Variants in SLC6A5 observed in about 807,000 individuals in gnomAD.
SLC6A5 encodes the protein sodium- and chloride-dependent glycine transporter 2.
SLC6A5 carries 58 observed loss-of-function variants against 90.5 expected under a neutral mutation model. The ratio of observed to expected loss-of-function variants is 0.64; its 90% CI spans 0.52 to 0.80. SLC6A5 has a LOEUF of 0.80. SLC6A5 is among the 30% of genes least tolerant of loss of function. The pLI is 0.00. For missense variants in SLC6A5, 1,015 were observed against 1,017.6 expected (o/e 1.00, Z 0.03); for synonymous variants, 427 against 401.4 (o/e 1.06, Z -0.76).
At chr11:20,640,019 A>G (rs1016349695) in intron 13 of SLC6A5, among the ~76,000 whole-genome samples, 2 of 152,196 alleles carry the variant, frequency 1.3e-5, no homozygotes, top group Non-Finnish European at 2.9e-5. Flanking sequence ...TTGAGCAGAG[A>G]GTGGTAGAAA....
chr11:20,627,629 C>G (rs564689575), intron 8 of SLC6A5, among the ~76,000 whole-genome samples: 2 of 152,222 alleles, frequency 1.3e-5, no homozygotes, highest in East Asian at 3.9e-4. Flanking sequence ...GATTTTGCAT[C>G]CGTTGTTATA....
chr11:20,648,600 A>G (rs1853467065), intron 14 of SLC6A5, among the ~76,000 whole-genome samples: 1 of 152,158 alleles, frequency 6.6e-6, no homozygotes. Context: ...GGAAGAGAAC[A>G]TCTGCGAACA....
intron 14 of SLC6A5, among the ~76,000 whole-genome samples, chr11:20,648,795 A>T (rs1209977215): frequency 6.6e-6 from 1 of 152,218 alleles, no homozygotes; most frequent in African/African-American, 2.4e-5. Context: ...CTGGAATAAC[A>T]TTTCACATAG....
Position 20,654,954 on chromosome 11 carries a change from T to C in SLC6A5, c.*86T>C. On this transcript the variant is annotated 3_prime_UTR_variant, in exon 16 of 16. Transcript: ENST00000525748. ...TTTTCCATAGCTCTCCTCCCATTTT[T>C]CTTCATCTTTCTTCCTACATCTTGG... is the stretch of plus-strand genomic sequence containing the variant. 1.5e-6 allele frequency: 2 copies of C among 1,321,264 alleles called. No homozygotes were observed. Among genetic ancestry groups the C allele is most frequent in the South Asian group, 2.4e-5 (2 of 84,832 alleles). The allele number at this position is 1,321,264 out of a possible 1,614,324, so 81.8% of individuals were successfully genotyped here. A position where few individuals can be genotyped will look rare whatever the true frequency, so the allele number is the denominator to read the frequency against.
chr11:20,617,656 G>A (rs1311504796), intron 6 of SLC6A5, 96 bp from the exon 7 acceptor site: 3 of 1,083,758 alleles, frequency 2.8e-6, no homozygotes, highest in Non-Finnish European at 4.3e-6. Context: ...TTTTGTGCAA[G>A]CCTCCTGGCT....
chr11:20,617,437 C>A (rs945161071), intron 6 of SLC6A5, among the ~76,000 whole-genome samples: 7 of 152,198 alleles, frequency 4.6e-5, no homozygotes, highest in African/African-American at 7.2e-5. Flanking sequence ...TTGCACTTCT[C>A]CTGGGGATGT....
chr11:20,654,446 A>G (rs1257815810), intron 15 of SLC6A5, among the ~76,000 whole-genome samples: 6 of 152,224 alleles, frequency 3.9e-5, no homozygotes, highest in Non-Finnish European at 7.3e-5. Context: ...ATCTTGTGCA[A>G]GGCAAACACA....
chr11:20,613,204 T>C (rs1483441492), intron 5 of SLC6A5, among the ~76,000 whole-genome samples: 1 of 152,186 alleles, frequency 6.6e-6, no homozygotes, highest in Non-Finnish European at 1.5e-5. Context: ...ATCTGTAACA[T>C]AGAGATAATA....
chr11:20,628,132 A>G, intron 9 of SLC6A5, 49 bp downstream of exon 9: 1 of 1,388,712 alleles, frequency 7.2e-7, no homozygotes, highest in Non-Finnish European at 1.0e-6. Flanking sequence ...AGTGGGACAG[A>G]AGAATGGACT....
chr11:20,638,681 C>T, intron 13 of SLC6A5, 123 bp downstream of exon 13: 1 of 729,850 alleles, frequency 1.4e-6, no homozygotes, highest in Non-Finnish European at 2.5e-6. Context: ...ATTTAGGAAA[C>T]CTAAGAGAGC....
chr11:20,608,918 GTCTGTCTCTCTC>G (rs776168127), intron 5 of SLC6A5, among the ~76,000 whole-genome samples: 1 of 79,190 alleles, frequency 1.3e-5, no homozygotes, highest in African/African-American at 5.8e-5. Flanking sequence ...CTGTCTGTCT[GTCTGTCTCTCTC>G]TCTCTCTCTC....
chr11:20,618,765 C>A (rs7929586), intron 7 of SLC6A5, among the ~76,000 whole-genome samples: 8 of 151,870 alleles, frequency 5.3e-5, no homozygotes, highest in Admixed American at 6.6e-5. Flanking sequence ...GGTGAAACCC[C>A]GTCTCTATGA....
chr11:20,647,267 A>C (rs1045943783), intron 14 of SLC6A5, among the ~76,000 whole-genome samples: 13 of 124,900 alleles, frequency 1.0e-4, no homozygotes, highest in African/African-American at 3.5e-4. Context: ...CTATATATAT[A>C]ATATCAGTTA....
intron 3 of SLC6A5, 80 bp downstream of exon 3, chr11:20,604,504 A>G: frequency 2.6e-6 from 4 of 1,554,278 alleles, no homozygotes; most frequent in Non-Finnish European, 3.5e-6. Flanking sequence ...GCCCTCAGGC[A>G]GGGCCGCCGG....
rs34284603 is a variant in SLC6A5 at position 20,640,697 on chromosome 11, TAAA to T, written c.1969+2151_1969+2153del. ...AATAAGCTAACATGACTGTTTGAGG[TAAA>T]AAAAAAAAAAAGAAGAAAAAAGCCT... is the stretch of plus-strand genomic sequence containing the variant. On this transcript the variant is annotated intron_variant, in intron 13 of 15. Coordinates refer to ENST00000525748, the MANE Select transcript of SLC6A5 (RefSeq NM_004211.5). 8.4e-3 allele frequency among the ~76,000 whole-genome samples: 1,243 copies of T among 147,918 alleles called. 12 individuals carry two copies. Among genetic ancestry groups the T allele is most frequent in the Non-Finnish European group, 0.011 (710 of 67,080 alleles).
intron 8 of SLC6A5, among the ~76,000 whole-genome samples, chr11:20,627,693 C>G (rs1853025228): frequency 6.6e-6 from 1 of 152,158 alleles, no homozygotes; most frequent in Admixed American, 6.5e-5. Context: ...AAAGGAAGGA[C>G]TCTCCCTTCC....
chr11:20,650,560 T>A (rs1219595914), intron 14 of SLC6A5, among the ~76,000 whole-genome samples: 1 of 151,690 alleles, frequency 6.6e-6, no homozygotes, highest in African/African-American at 2.4e-5. Flanking sequence ...GGGAAGTCTG[T>A]GACATAAAGG....
In SLC6A5 at chr11:20,626,858, T is replaced by G. The variant is rs771213870; in HGVS notation, c.1395+16T>G. On this transcript the variant is annotated intron_variant, in intron 8 of 15. Transcript: ENST00000525748. ...GGATGCCACGGTGGGCTTCTAATTT[T>G]ATCTATAACCAGCCCTGGGGGAGTG... The G allele has an allele frequency of 3.1e-6, 5 of 1,613,032 alleles. No homozygotes were observed. Among genetic ancestry groups the G allele is most frequent in the Non-Finnish European group, 4.2e-6 (5 of 1,179,018 alleles).
rs1852477242 is a variant in SLC6A5, at chr11:20,601,499, T to G, written c.374T>G (p.Leu125Arg). The G allele has an allele frequency of 1.2e-6, 2 of 1,613,734 alleles. No homozygotes were observed. Among genetic ancestry groups the G allele is most frequent in the African/African-American group, 2.7e-5 (2 of 74,904 alleles). ...GNALHCKIPF[L>R]RGPEGDANVS... ...GCGCTGCACTGTAAGATCCCTTTTC[T>G]GCGAGGCCCGGAGGGGGATGCGAAC... The change falls in exon 2 of 16, where the codon CTG becomes CGG. Residue 125 changes from leucine (L) to arginine (R), a missense_variant. Leu to Arg is a moderately radical substitution (Grantham distance 102). Around this residue, in one of 3 missense-constraint regions of SLC6A5, gnomAD observed 567 missense variants for 507.3 expected, o/e 1.12. Coordinates refer to ENST00000525748, the MANE Select transcript of SLC6A5 (RefSeq NM_004211.5).
Sources: allele counts gnomAD v4.1 joint callset (sites outside exome capture counted in the v4.1 genomes callset), GRCh38; gene constraint gnomAD v4.1.1; regional missense constraint gnomAD v4.1.1; transcripts MANE v1.5; gene names NCBI Gene and HGNC (gene_info 2026-07-23, HGNC 2026-07-21).